Variants in CSF1 observed in about 807,000 individuals in gnomAD.
CSF1 encodes the protein colony stimulating factor 1.
A neutral mutation model predicts 48.9 loss-of-function variants in CSF1; 9 were observed. The observed-to-expected ratio is 0.18, with a 90% CI of 0.11 to 0.32. The LOEUF is 0.32. Among genes scored for constraint, CSF1 ranks in the 10% least tolerant of loss-of-function variants. CSF1 has a pLI of 1.00. For missense variants in CSF1, 672 were observed against 697.9 expected (o/e 0.96, Z 0.42); for synonymous variants, 305 against 284.1 (o/e 1.07, Z -0.74).
chr1:109,921,824 A>AG, intron 4 of CSF1, 23 bp from the exon 5 acceptor site: 1 of 1,538,564 alleles, frequency 6.5e-7, no homozygotes, highest in Non-Finnish European at 8.8e-7. Flanking sequence ...TGCTCACAAA[A>AG]GGGGGCCCTG....
chr1:109,911,646 G>T (rs1654690638), intron 1 of CSF1, among the ~76,000 whole-genome samples: 1 of 152,212 alleles, frequency 6.6e-6, no homozygotes, highest in South Asian at 2.1e-4. Context: ...TTTGGGGGGT[G>T]GGGTGGGGGA....
intron 4 of CSF1, among the ~76,000 whole-genome samples, chr1:109,920,221 G>T (rs1462994986): frequency 1.3e-5 from 2 of 151,810 alleles, no homozygotes; most frequent in South Asian, 4.2e-4. Context: ...TTACCAGATA[G>T]ACGTACGAAT....
chr1:109,911,907 T>C lies in CSF1; in HGVS notation c.39+845T>C, dbSNP rs1337329206. Among the ~76,000 whole-genome samples, 2 of 152,046 alleles carry C rather than the reference T, an allele frequency of 1.3e-5. 1 individual carries two copies. Among genetic ancestry groups the C allele is most frequent in the Non-Finnish European group, 2.9e-5 (2 of 68,010 alleles). On this transcript the variant is annotated intron_variant, in intron 1 of 8. Transcript: ENST00000329608. ...ACTGTGGCGGTAGCAGATGCAGCCA[T>C]AGAAAGTGAGGGTGGCACTGTTCAT...
chr1:109,910,925 C>A lies in CSF1; in HGVS notation c.-99C>A. The A allele has an allele frequency of 1.2e-6, 1 of 819,926 alleles. No individual in the cohort carries two copies. Among genetic ancestry groups the A allele is most frequent in the Non-Finnish European group, 1.5e-6 (1 of 667,004 alleles). 50.8% of individuals were successfully genotyped at this position (819,926 alleles called of 1,614,324 possible). ...AGCCGCTCTCCGCATCCCAGGACAG[C>A]GGTGCGGCCCTCGGCCGGGGCGCCC... On this transcript the variant is annotated 5_prime_UTR_variant, in exon 1 of 9. Coordinates refer to ENST00000329608, the MANE Select transcript of CSF1 (RefSeq NM_000757.6).
In CSF1 at chr1:109,917,593, T is replaced by C. The variant is rs1336334117; in HGVS notation, c.396+130T>C. The C allele has an allele frequency of 1.1e-5, 10 of 947,534 alleles. No homozygotes were observed. The East Asian group carries it at 2.4e-4, about 23-fold the overall frequency. The allele number at this position is 947,534 out of a possible 1,614,324, so 58.7% of individuals were successfully genotyped here. Reference sequence around the variant, plus strand: ...CCATTGCTTGCTCACTCTCATTTATTTGTCATCCCACCAACCTTTACCAGG... The same window carrying C: ...CCATTGCTTGCTCACTCTCATTTATCTGTCATCCCACCAACCTTTACCAGG... On this transcript the variant is annotated intron_variant, in intron 4 of 8. Coordinates refer to ENST00000329608, the MANE Select transcript of CSF1 (RefSeq NM_000757.6).
upstream of CSF1, chr1:109,910,547 G>A (rs1278630637): frequency 3.0e-6 from 1 of 335,580 alleles, no homozygotes; most frequent in Non-Finnish European, 6.3e-6. Flanking sequence ...TCGGTCCGCA[G>A]AGGGCGCGGG....
At chr1:109,914,459 A>G in intron 2 of CSF1, 78 bp downstream of exon 2, 1 of 1,487,358 alleles carries the variant, frequency 6.7e-7, no homozygotes, top group South Asian at 1.5e-5. Context: ...CAGGTCAAAG[A>G]GAGCAGTTGC....
chr1:109,924,246 T>G (rs2101655472), intron 6 of CSF1, 56 bp downstream of exon 6: 7 of 1,457,626 alleles, frequency 4.8e-6, no homozygotes, highest in Non-Finnish European at 5.5e-6. Context: ...GGGCAGAGCC[T>G]GGCGGGGGTG....
intron 4 of CSF1, among the ~76,000 whole-genome samples, chr1:109,921,358 T>G (rs1647528538): frequency 6.6e-6 from 1 of 152,224 alleles, no homozygotes; most frequent in Non-Finnish European, 1.5e-5. Flanking sequence ...TTTTGCACGG[T>G]CTGTTCTTGC....
In CSF1 at chr1:109,921,384, C is replaced by G. The variant is rs183849981; in HGVS notation, c.397-463C>G. Among the ~76,000 whole-genome samples, 1,026 of 152,354 alleles carry G rather than the reference C, an allele frequency of 6.7e-3. 6 individuals are homozygous for G. Among genetic ancestry groups the G allele is most frequent in the Non-Finnish European group, 0.011 (738 of 68,028 alleles). On this transcript the variant is annotated intron_variant, in intron 4 of 8. Transcript: ENST00000329608. ...CTGTTCTTGCAGCCTGGACAGCTCT[C>G]TGGGATCCCATCTCTTTCCTGGTTT...
In CSF1 at chr1:109,910,940, C is replaced by G. The variant is rs1229567096; in HGVS notation, c.-84C>G. ...CCCAGGACAGCGGTGCGGCCCTCGGCCGGGGCGCCCACTCCGCAGCAGCCA... is the reference window on the plus strand; with the variant it reads ...CCCAGGACAGCGGTGCGGCCCTCGGGCGGGGCGCCCACTCCGCAGCAGCCA... On this transcript the variant is annotated 5_prime_UTR_variant, in exon 1 of 9. Transcript: ENST00000329608. The G allele has an allele frequency of 1.2e-5, 13 of 1,042,862 alleles. No individual in the cohort carries two copies. Among genetic ancestry groups the G allele is most frequent in the Non-Finnish European group, 1.5e-5 (13 of 844,538 alleles). The allele number at this position is 1,042,862 out of a possible 1,614,324, so 64.6% of individuals were successfully genotyped here.
Position 109,915,650 on chromosome 1 carries a change from A to T in CSF1, c.179A>T (p.Glu60Val), listed in dbSNP as rs781205991. 1 of 1,613,954 alleles carries T rather than the reference A, an allele frequency of 6.2e-7. No homozygotes were observed. Among genetic ancestry groups the T allele is most frequent in the Middle Eastern group, 1.7e-4 (1 of 6,060 alleles). The change falls in exon 3 of 9, where the codon GAG becomes GTG. Residue 60 changes from glutamate (E) to valine (V), a missense_variant. This residue lies in a region of CSF1 where 28 missense variants were observed against 58.8 expected (regional missense o/e 0.48). Transcript: ENST00000329608. The stretch of plus-strand genomic sequence containing the variant: ...CTCTTACAGATTGACAGTCAGATGG[A>T]GACCTCGTGCCAAATTACATTTGAG... ...SLQRLIDSQM[E>V]TSCQITFEFV...
chr1:109,922,847 C>G (rs775029794), intron 5 of CSF1, among the ~76,000 whole-genome samples: 5 of 152,188 alleles, frequency 3.3e-5, no homozygotes, highest in Non-Finnish European at 7.4e-5. Flanking sequence ...CTGACTGCTG[C>G]TCACCCCTAG....
chr1:109,923,118 C>T, intron 5 of CSF1, 48 bp from the exon 6 acceptor site: 1 of 1,489,856 alleles, frequency 6.7e-7, no homozygotes, highest in Non-Finnish European at 9.0e-7. Context: ...GCTAGTGACT[C>T]TATCTCCTCC....
At chr1:109,925,117 T>A in intron 7 of CSF1, 30 bp from the exon 8 acceptor site, 1 of 1,608,852 alleles carries the variant, frequency 6.2e-7, no homozygotes, top group Non-Finnish European at 8.5e-7. Context: ...CCTGCTGATG[T>A]CTAATACCAG....
Position 109,923,089 on chromosome 1 carries a change from T to A in CSF1, c.545-77T>A, listed in dbSNP as rs1193751907. ...CTCACATTCCCCTCTTGCCCCGCTC[T>A]GGGAAAGCTGTGCTGGAGGCTAGTG... On this transcript the variant is annotated intron_variant, in intron 5 of 8. Coordinates refer to ENST00000329608, the MANE Select transcript of CSF1 (RefSeq NM_000757.6). The A allele has an allele frequency of 3.4e-4, 480 of 1,404,202 alleles. 3 individuals are homozygous for A. Among genetic ancestry groups the A allele is most frequent in the African/African-American group, 1.4e-5 (1 of 69,118 alleles). 87.0% of individuals were successfully genotyped at this position (1,404,202 alleles called of 1,614,324 possible). A position where few individuals can be genotyped will look rare whatever the true frequency, so the allele number is the denominator to read the frequency against.
intron 1 of CSF1, among the ~76,000 whole-genome samples, chr1:109,911,650 T>C (rs1461606373): frequency 7.1e-6 from 1 of 141,422 alleles, no homozygotes; most frequent in African/African-American, 2.6e-5. Flanking sequence ...GGGGGTGGGG[T>C]GGGGGACGGC....
intron 4 of CSF1, among the ~76,000 whole-genome samples, chr1:109,918,412 C>A (rs915511719): frequency 6.6e-6 from 1 of 152,086 alleles, no homozygotes; most frequent in African/African-American, 2.4e-5. Context: ...TAAGACTGAC[C>A]TGGTTGCTAT....
rs1439989262 is a variant in CSF1, at chr1:109,923,166, A to G, written c.545A>G (p.Asp182Gly). The change falls in exon 6 of 9, where the codon GAT becomes GGT. Residue 182 changes from aspartate (D) to glycine (G), a missense_variant and splice_region_variant. By Grantham distance (94) the Asp-to-Gly change is moderately conservative. Transcript: ENST00000329608. ...NNSFAECSSQ[D>G]VVTKPDCNCL... Reference sequence around the variant, plus strand: ...CTCCTTCTCTCTGTGGTTCTTTCAGATGTGGTGACCAAGCCTGATTGCAAC... The same window carrying G: ...CTCCTTCTCTCTGTGGTTCTTTCAGGTGTGGTGACCAAGCCTGATTGCAAC... The G allele has an allele frequency of 6.6e-7, 1 of 1,511,106 alleles. No homozygotes were observed. Among genetic ancestry groups the G allele is most frequent in the African/African-American group, 1.4e-5 (1 of 71,390 alleles). The allele number at this position is 1,511,106 out of a possible 1,614,324, so 93.6% of individuals were successfully genotyped here. A position where few individuals can be genotyped will look rare whatever the true frequency, so the allele number is the denominator to read the frequency against.
Sources: gnomAD v4.1 joint callset for allele counts (sites outside exome capture counted in the v4.1 genomes callset) on GRCh38, gnomAD v4.1.1 for gene constraint, gnomAD v4.1.1 regional missense constraint, MANE v1.5 for transcripts, NCBI Gene and HGNC (gene_info 2026-07-23, HGNC 2026-07-21) for gene names.